PIK3C2G: variants seen among roughly 807,000 people sequenced by gnomAD.
PIK3C2G encodes phosphatidylinositol-4-phosphate 3-kinase catalytic subunit type 2 gamma.
A neutral mutation model predicts 181.1 loss-of-function variants in PIK3C2G; 168 were observed. That is an observed-to-expected ratio of 0.93 (90% CI 0.82 to 1.05). The LOEUF (loss-of-function observed/expected upper bound fraction) is 1.05, where lower values mean the gene tolerates loss of function less well. Among genes scored for constraint, PIK3C2G ranks in the 50% least tolerant of loss-of-function variants. The pLI is 0.00. For missense variants in PIK3C2G, 1,869 were observed against 1,732.8 expected (o/e 1.08, Z -1.40); for synonymous variants, 573 against 592.2 (o/e 0.97, Z 0.47).
chr12:18,271,379 C>T (rs991669120), intron 1 of PIK3C2G, among the ~76,000 whole-genome samples: 2 of 152,112 alleles, frequency 1.3e-5, no homozygotes, highest in African/African-American at 4.8e-5. Context: ...TAAATAAGGT[C>T]ATTTATTCCT....
chr12:18,281,894 TA>T lies in PIK3C2G; in HGVS notation c.-78-102del, dbSNP rs544758886. 5.9e-3 allele frequency: 3,194 copies of T among 545,740 alleles called. 74 individuals carry two copies. The highest frequency in any genetic ancestry group is 0.053 in the African/African-American group (2,770 of 51,812). 33.8% of individuals were successfully genotyped at this position (545,740 alleles called of 1,614,324 possible). Reference sequence around the variant, plus strand: ...GTACTTAAGGAATTATTTCACTTGCTAAAAAAAAGCCCACAAAACAGTTAGT... The same window carrying T: ...GTACTTAAGGAATTATTTCACTTGCTAAAAAAAGCCCACAAAACAGTTAGT... On this transcript the variant is annotated intron_variant, in intron 1 of 32. Coordinates refer to ENST00000538779, the MANE Select transcript of PIK3C2G (RefSeq NM_001288772.2).
At chr12:18,549,267 C>A (rs549268455) in intron 26 of PIK3C2G, among the ~76,000 whole-genome samples, 5 of 151,892 alleles carry the variant, frequency 3.3e-5, no homozygotes, top group Admixed American at 6.6e-5. Context: ...TCAATTTCTC[C>A]CAAGTAAAGC....
the PIK3C2G span, among the ~76,000 whole-genome samples, chr12:18,698,074 C>T: frequency 1.3e-5 from 2 of 151,800 alleles, no homozygotes; most frequent in African/African-American, 4.8e-5. Context: ...AACATGAGGA[C>T]CTGTCCTCAT....
chr12:18,589,803 A>G (rs1201774370), intron 29 of PIK3C2G, among the ~76,000 whole-genome samples: 1 of 151,942 alleles, frequency 6.6e-6, no homozygotes, highest in Non-Finnish European at 1.5e-5. Flanking sequence ...TTTTTCCACA[A>G]TGCTCCATTT....
intron 31 of PIK3C2G, among the ~76,000 whole-genome samples, chr12:18,622,101 G>A (rs1459566589): frequency 6.6e-6 from 1 of 151,792 alleles, no homozygotes; most frequent in Non-Finnish European, 1.5e-5. Flanking sequence ...ATACTGAAAT[G>A]TACAATACTC....
Position 18,566,930 on chromosome 12 carries a change from T to A in PIK3C2G, c.3903-19T>A, listed in dbSNP as rs1237544221. On this transcript the variant is annotated intron_variant, in intron 28 of 32. Transcript: ENST00000538779. ...AGTTTTCAAACTAATGAAGATAACT[T>A]TTTTTTCTCTTAAAACAGGTTTCCT... The A allele has an allele frequency of 1.5e-6, 2 of 1,357,028 alleles. No homozygotes were observed. 84.1% of individuals were successfully genotyped at this position (1,357,028 alleles called of 1,614,324 possible). A position where few individuals can be genotyped will look rare whatever the true frequency, so the allele number is the denominator to read the frequency against.
the PIK3C2G span, among the ~76,000 whole-genome samples, chr12:18,672,834 A>G: frequency 7.0e-4 from 106 of 152,278 alleles, no homozygotes; most frequent in African/African-American, 2.4e-3. Flanking sequence ...GCTTCGATGT[A>G]GTCCATTCAG....
intron 17 of PIK3C2G, among the ~76,000 whole-genome samples, chr12:18,423,137 G>C (rs1945584030): frequency 6.6e-6 from 1 of 151,570 alleles, no homozygotes; most frequent in Non-Finnish European, 1.5e-5. Flanking sequence ...CTTTGAGAGA[G>C]AGAGAGAGAG....
chr12:18,415,023 G>T (rs143649080), intron 16 of PIK3C2G, among the ~76,000 whole-genome samples: 63 of 152,152 alleles, frequency 4.1e-4, no homozygotes, highest in African/African-American at 1.4e-3. Context: ...ATTATTCCCA[G>T]CATTTGCATA....
chr12:18,460,623 C>CATATATATATATATATATATAT (rs144060852), intron 18 of PIK3C2G, among the ~76,000 whole-genome samples: 4 of 136,132 alleles, frequency 2.9e-5, no homozygotes, highest in African/African-American at 1.1e-4. Flanking sequence ...ACATCATATT[C>CATATATATATATATATATATAT]ATATATATAT....
chr12:18,621,702 G>A (rs1262643277), intron 31 of PIK3C2G, among the ~76,000 whole-genome samples: 1 of 151,694 alleles, frequency 6.6e-6, no homozygotes, highest in Non-Finnish European at 1.5e-5. Flanking sequence ...CATGCAAAGT[G>A]CTAGACACAC....
intron 5 of PIK3C2G, among the ~76,000 whole-genome samples, chr12:18,300,615 A>T (rs1426288666): frequency 6.6e-6 from 1 of 152,108 alleles, no homozygotes; most frequent in Non-Finnish European, 1.5e-5. Context: ...TTTATATTCA[A>T]GGTTATAATT....
At chr12:18,520,875 G>A (rs1032117807) in intron 24 of PIK3C2G, among the ~76,000 whole-genome samples, 4 of 152,136 alleles carry the variant, frequency 2.6e-5, no homozygotes, top group African/African-American at 7.2e-5. Flanking sequence ...TTCTTCGTGA[G>A]TTTGTCTAGT....
At chr12:18,546,216 G>A (rs1944412778) in intron 25 of PIK3C2G, 107 bp from the exon 26 acceptor site, 2 of 667,186 alleles carry the variant, frequency 3.0e-6, no homozygotes, top group Non-Finnish European at 5.3e-6. Flanking sequence ...ACATTGCCAT[G>A]CAAACTTGGG....
At chr12:18,366,038 T>A (rs1941619457) in intron 12 of PIK3C2G, among the ~76,000 whole-genome samples, 1 of 152,210 alleles carries the variant, frequency 6.6e-6, no homozygotes, top group Non-Finnish European at 1.5e-5. Flanking sequence ...AATAGCTTTA[T>A]AATGGTCTCC....
chr12:18,456,694 C>G (rs1049293758), intron 18 of PIK3C2G, among the ~76,000 whole-genome samples: 1 of 152,120 alleles, frequency 6.6e-6, no homozygotes, highest in East Asian at 1.9e-4. Context: ...CCCAGGTAAC[C>G]TTTTCCTATT....
At chr12:18,242,964 C>T (rs913954295), upstream of PIK3C2G, among the ~76,000 whole-genome samples, 1 of 152,094 alleles carries the variant, frequency 6.6e-6, no homozygotes, top group Non-Finnish European at 1.5e-5. Context: ...TATAGTGAAT[C>T]ATTAAACACG....
intron 27 of PIK3C2G, 30 bp downstream of exon 27, chr12:18,562,922 C>T (rs780614960): frequency 1.4e-6 from 2 of 1,453,604 alleles, no homozygotes; most frequent in Non-Finnish European, 1.9e-6. Flanking sequence ...TCTTGACTTA[C>T]GTATCACTTG....
chr12:18,294,050 T>C, intron 5 of PIK3C2G, 35 bp downstream of exon 5: 2 of 927,028 alleles, frequency 2.2e-6, no homozygotes, highest in Non-Finnish European at 3.5e-6. Flanking sequence ...TGTATTATAA[T>C]CTGTAAATAT....
Sources: allele counts gnomAD v4.1 joint callset (sites outside exome capture counted in the v4.1 genomes callset), GRCh38; gene constraint gnomAD v4.1.1; transcripts MANE v1.5; gene names NCBI Gene and HGNC (gene_info 2026-07-23, HGNC 2026-07-21).